The following CWF19L2 variants were observed in gnomAD, a reference collection of about 807,000 sequenced individuals.
The protein encoded by CWF19L2 is CWF19 like cell cycle control factor 2.
A neutral mutation model predicts 111.7 loss-of-function variants in CWF19L2; 98 were observed. The ratio of observed to expected loss-of-function variants is 0.88; its 90% confidence interval spans 0.75 to 1.04. The LOEUF is 1.04. CWF19L2 is among the 50% of genes least tolerant of loss of function. CWF19L2 has a pLI of 0.00. For synonymous variants in CWF19L2, 351 were observed against 342.9 expected (o/e 1.02, Z -0.26); for missense variants, 1,101 against 1,051.4 (o/e 1.05, Z -0.65).
At chr11:107,392,042 C>T (rs478067) in intron 11 of CWF19L2, among the ~76,000 whole-genome samples, 125,600 of 152,168 alleles carry the variant, frequency 0.83, 52,388 homozygotes, top group African/African-American at 0.95. Flanking sequence ...TCTCCTCCTG[C>T]ACCTCCTCTC....
At chr11:107,442,801 A>AGG (rs1565287371) in intron 4 of CWF19L2, 138 bp downstream of exon 4, 33 of 337,802 alleles carry the variant, frequency 9.8e-5, no homozygotes, top group South Asian at 2.0e-4. Context: ...GAAGGGAGGG[A>AGG]GGGAGGGAGG....
At chr11:107,441,137 T>C (rs890285733) in intron 5 of CWF19L2, among the ~76,000 whole-genome samples, 1 of 152,158 alleles carries the variant, frequency 6.6e-6, no homozygotes, top group Non-Finnish European at 1.5e-5. Context: ...AGCATGCTTA[T>C]TTTACATTAT....
At position 107,387,814 on chromosome 11, in the gene CWF19L2, C is replaced by T. The variant is rs185700859; in HGVS notation, c.1872+2260G>A. Reference sequence around the variant, plus strand: ...GATCAGACAATAATGCCGACTGGCCCGCTCCGCTCACCTCTTGCTGTGCGG... The same window carrying T: ...GATCAGACAATAATGCCGACTGGCCTGCTCCGCTCACCTCTTGCTGTGCGG... On this transcript the variant is annotated intron_variant, in intron 12 of 17. Coordinates refer to ENST00000282251, the MANE Select transcript of CWF19L2 (RefSeq NM_152434.3). 1.5e-3 allele frequency among the ~76,000 whole-genome samples: 224 copies of T among 152,230 alleles called. 1 individual carries two copies. Among genetic ancestry groups the T allele is most frequent in the African/African-American group, 4.9e-3 (203 of 41,532 alleles).
chr11:107,439,869 A>G (rs1861596342), intron 5 of CWF19L2, among the ~76,000 whole-genome samples: 1 of 152,176 alleles, frequency 6.6e-6, no homozygotes, highest in East Asian at 1.9e-4. Flanking sequence ...CATGAATGTG[A>G]TCAGCTTCAT....
chr11:107,399,313 C>T (rs1366266817), intron 10 of CWF19L2, among the ~76,000 whole-genome samples: 1 of 152,078 alleles, frequency 6.6e-6, no homozygotes, highest in Non-Finnish European at 1.5e-5. Flanking sequence ...CAACTATGTG[C>T]CACCTTCAGG....
chr11:107,373,457 C>G (rs927701910), intron 12 of CWF19L2, among the ~76,000 whole-genome samples: 2 of 129,058 alleles, frequency 1.5e-5, no homozygotes, highest in Non-Finnish European at 3.3e-5. Flanking sequence ...AAGTGGGTCC[C>G]TGACCCCTGA....
chr11:107,335,527 AT>A (rs1859909742), intron 15 of CWF19L2, among the ~76,000 whole-genome samples: 1 of 152,204 alleles, frequency 6.6e-6, no homozygotes, highest in Non-Finnish European at 1.5e-5. Context: ...ATGCAACTCA[AT>A]GCTTTTATTT....
chr11:107,356,040 A>G (rs543487066), intron 12 of CWF19L2, among the ~76,000 whole-genome samples: 136 of 152,224 alleles, frequency 8.9e-4, no homozygotes, highest in Non-Finnish European at 1.6e-3. Context: ...TGTTCTCTGA[A>G]CACAATGGAA....
chr11:107,452,392 T>C (rs1309563167), intron 3 of CWF19L2, among the ~76,000 whole-genome samples: 2 of 150,642 alleles, frequency 1.3e-5, no homozygotes, highest in East Asian at 1.9e-4. Flanking sequence ...GAAAACAAAA[T>C]GGAAAAAAAA....
chr11:107,360,948 T>A (rs190291682), intron 12 of CWF19L2, among the ~76,000 whole-genome samples: 2 of 152,238 alleles, frequency 1.3e-5, no homozygotes, highest in African/African-American at 4.8e-5. Context: ...TCATAAAGCT[T>A]TTTAGTTTAA....
intron 10 of CWF19L2, among the ~76,000 whole-genome samples, chr11:107,412,319 A>G (rs1017760644): frequency 6.6e-6 from 1 of 152,122 alleles, no homozygotes; most frequent in Non-Finnish European, 1.5e-5. Context: ...GCATTCCTTG[A>G]TATTTACCCA....
intron 12 of CWF19L2, among the ~76,000 whole-genome samples, chr11:107,387,197 C>T (rs998824171): frequency 3.9e-5 from 6 of 152,096 alleles, no homozygotes; most frequent in Non-Finnish European, 7.4e-5. Flanking sequence ...ATTTCCCACT[C>T]CCCCAAAATT....
At chr11:107,407,509 C>A (rs1018154375) in intron 10 of CWF19L2, among the ~76,000 whole-genome samples, 1 of 151,676 alleles carries the variant, frequency 6.6e-6, no homozygotes, top group Non-Finnish European at 1.5e-5. Flanking sequence ...TTTTCATATG[C>A]AGTAATATTT....
At position 107,348,922 on chromosome 11, in the gene CWF19L2, AT is replaced by A; in HGVS notation, c.2202+14del. The A allele has an allele frequency of 6.8e-7, 1 of 1,459,936 alleles. No homozygotes were observed. The highest frequency in any genetic ancestry group is 9.5e-7 in the Non-Finnish European group (1 of 1,056,328). 90.4% of individuals were successfully genotyped at this position (1,459,936 alleles called of 1,614,324 possible). A position where few individuals can be genotyped will look rare whatever the true frequency, so the allele number is the denominator to read the frequency against. On this transcript the variant is annotated intron_variant, in intron 14 of 17. Coordinates refer to ENST00000282251, the MANE Select transcript of CWF19L2 (RefSeq NM_152434.3). ...CATGAGTTTTAAAATGATAATGAACATTTATTATGCTGACCTGGATCTCCTC... is the reference window on the plus strand; with the variant it reads ...CATGAGTTTTAAAATGATAATGAACATTATTATGCTGACCTGGATCTCCTC...
chr11:107,369,154 C>T lies in CWF19L2; in HGVS notation c.1873-15418G>A, dbSNP rs935165201. ...GCTAACTATATCAGCAAGAGTTACA[C>T]GGTTTTTTAGTTATCCATTTTTTTC... On this transcript the variant is annotated intron_variant, in intron 12 of 17. Coordinates refer to ENST00000282251, the MANE Select transcript of CWF19L2 (RefSeq NM_152434.3). Among the ~76,000 whole-genome samples the T allele has an allele frequency of 2.2e-5, 3 of 137,724 alleles. 1 individual carries two copies. The highest frequency in any genetic ancestry group is 4.9e-4 in the South Asian group (2 of 4,060). 90.4% of individuals were successfully genotyped at this position (137,724 alleles called of 152,430 possible).
At chr11:107,450,532 A>C (rs1861763795) in intron 3 of CWF19L2, among the ~76,000 whole-genome samples, 1 of 152,054 alleles carries the variant, frequency 6.6e-6, no homozygotes, top group Non-Finnish European at 1.5e-5. Context: ...ACAAAGCAAG[A>C]CTCTGTCAAT....
At chr11:107,347,438 A>G (rs1293952995) in intron 14 of CWF19L2, among the ~76,000 whole-genome samples, 1 of 152,210 alleles carries the variant, frequency 6.6e-6, no homozygotes, top group East Asian at 1.9e-4. Flanking sequence ...AACAACAACA[A>G]CAACAGCAAC....
chr11:107,353,137 T>C (rs1860181640), intron 13 of CWF19L2, among the ~76,000 whole-genome samples: 1 of 152,208 alleles, frequency 6.6e-6, no homozygotes, highest in African/African-American at 2.4e-5. Flanking sequence ...GACAATTAAT[T>C]CTTTCAAATC....
rs370351070 is a variant in CWF19L2, at chr11:107,429,345, G to C, written c.887C>G (p.Ala296Gly). The change falls in exon 8 of 18, where the codon GCA becomes GGA. Residue 296 changes from alanine to glycine, a missense_variant. Ala to Gly is a moderately conservative substitution (Grantham distance 60, BLOSUM62 0). Transcript: ENST00000282251. ...TTCTCTACTTTCTTGACAATTTTGT[G>C]CTTTATCTGAATATGTGGGTTTCCT... ...RWRKPTYSDK[A>G]QNCQESRESD... 4 of 1,604,536 alleles carry C rather than the reference G, an allele frequency of 2.5e-6. No homozygotes were observed. The highest frequency in any genetic ancestry group is 3.4e-6 in the Non-Finnish European group (4 of 1,174,420).
Sources: allele counts gnomAD v4.1 joint callset (sites outside exome capture counted in the v4.1 genomes callset), GRCh38; gene constraint gnomAD v4.1.1; transcripts MANE v1.5; gene names NCBI Gene and HGNC (gene_info 2026-07-23, HGNC 2026-07-21).